PDE7B: variants seen among roughly 807,000 people sequenced by gnomAD.
PDE7B encodes phosphodiesterase 7B.
In PDE7B, 29 loss-of-function variants were observed where a neutral mutation model predicts 56.2. The ratio of observed to expected loss-of-function variants is 0.52; its 90% CI spans 0.38 to 0.70. PDE7B has a LOEUF of 0.70. PDE7B is among the 30% of genes least tolerant of loss of function. PDE7B has a pLI of 0.00. For synonymous variants in PDE7B, 197 were observed against 196.9 expected (o/e 1.00, Z 0.00); for missense variants, 490 against 565.0 (o/e 0.87, Z 1.35).
chr6:136,057,471 G>A (rs575272134), intron 2 of PDE7B, among the ~76,000 whole-genome samples: 2 of 152,282 alleles, frequency 1.3e-5, no homozygotes, highest in East Asian at 1.9e-4. Context: ...TTACCAAAAT[G>A]TTCTGAATGG....
At position 136,103,007 on chromosome 6, in the gene PDE7B, A is replaced by T. The variant is rs73561320; in HGVS notation, c.83-5724A>T. On this transcript the variant is annotated intron_variant, in intron 2 of 12. Coordinates refer to ENST00000308191, the MANE Select transcript of PDE7B (RefSeq NM_018945.4). Reference sequence around the variant, plus strand: ...AAGAAGAGAAGAAAGAACTTTTTTCACATGCAAAGAAAATTGTGTTTCATT... The same window carrying T: ...AAGAAGAGAAGAAAGAACTTTTTTCTCATGCAAAGAAAATTGTGTTTCATT... Among the ~76,000 whole-genome samples the T allele has an allele frequency of 7.6e-3, 1,154 of 152,286 alleles. 13 individuals carry two copies. The highest frequency in any genetic ancestry group is 0.026 in the African/African-American group (1,068 of 41,556).
chr6:135,891,257 C>G (rs1775805491), intron 1 of PDE7B, among the ~76,000 whole-genome samples: 1 of 152,050 alleles, frequency 6.6e-6, no homozygotes, highest in Admixed American at 6.6e-5. Flanking sequence ...AAGATGAGAA[C>G]CCAAAGAGTA....
chr6:136,152,171 G>A (rs1448766439), intron 6 of PDE7B, among the ~76,000 whole-genome samples: 1 of 152,052 alleles, frequency 6.6e-6, no homozygotes, highest in Non-Finnish European at 1.5e-5. Context: ...CAAGGGTCAA[G>A]TGTAGTTATG....
chr6:135,933,287 C>A (rs904639094), intron 1 of PDE7B, among the ~76,000 whole-genome samples: 6 of 152,242 alleles, frequency 3.9e-5, no homozygotes, highest in Non-Finnish European at 8.8e-5. Context: ...TGTACACACA[C>A]ATACCTGCAC....
chr6:136,016,571 G>C (rs1251932491), intron 2 of PDE7B, among the ~76,000 whole-genome samples: 1 of 152,132 alleles, frequency 6.6e-6, no homozygotes, highest in African/African-American at 2.4e-5. Context: ...ACTAAGTCTT[G>C]GGAGGCAAAG....
intron 1 of PDE7B, among the ~76,000 whole-genome samples, chr6:135,887,345 G>A (rs1355941412): frequency 6.6e-6 from 1 of 152,112 alleles, no homozygotes; most frequent in African/African-American, 2.4e-5. Flanking sequence ...AGAGGCTGGA[G>A]ATATAACAAT....
chr6:136,173,437 A>G (rs1045795643), intron 8 of PDE7B, among the ~76,000 whole-genome samples: 1 of 152,210 alleles, frequency 6.6e-6, no homozygotes, highest in African/African-American at 2.4e-5. Flanking sequence ...TGCTGGGAAA[A>G]CTGGCTAGCC....
At chr6:135,976,190 A>G (rs1461676620) in intron 2 of PDE7B, among the ~76,000 whole-genome samples, 1 of 152,148 alleles carries the variant, frequency 6.6e-6, no homozygotes, top group East Asian at 1.9e-4. Flanking sequence ...AATCCCTTAG[A>G]AAAATTCTTA....
intron 2 of PDE7B, among the ~76,000 whole-genome samples, chr6:136,041,741 TA>T (rs1345004835): frequency 2.1e-4 from 32 of 152,372 alleles, no homozygotes; most frequent in Admixed American, 2.0e-3. Context: ...TTAATTGTGT[TA>T]ATACTCACAT....
In PDE7B at chr6:135,925,762, C is replaced by T. The variant is rs532508081; in HGVS notation, c.22-21702C>T. Among the ~76,000 whole-genome samples the T allele has an allele frequency of 9.9e-4, 151 of 152,288 alleles. No homozygotes were observed. The Middle Eastern group carries it at 0.024, about 24-fold the overall frequency. The stretch of plus-strand genomic sequence containing the variant: ...CTTAACAGCTTATGCTCTCCTATGC[C>T]ACCCAAATAGCTTTTCAAAAATAGT... On this transcript the variant is annotated intron_variant, in intron 1 of 12. Coordinates refer to ENST00000308191, the MANE Select transcript of PDE7B (RefSeq NM_018945.4).
At chr6:135,964,694 A>G (rs1774962382) in intron 2 of PDE7B, among the ~76,000 whole-genome samples, 1 of 152,162 alleles carries the variant, frequency 6.6e-6, no homozygotes, top group Non-Finnish European at 1.5e-5. Context: ...AAAGTAGATA[A>G]TGAGTTCCAA....
rs1350295476 is a variant in PDE7B, at chr6:135,851,864, T to C, written c.-135T>C. ...ATTTCTTTTCCTTTTTTTTCTTTTT[T>C]TTTTTTTGTTACTTAATTATATTCC... On this transcript the variant is annotated 5_prime_UTR_variant, in exon 1 of 13. Coordinates refer to ENST00000308191, the MANE Select transcript of PDE7B (RefSeq NM_018945.4). 8.3e-6 allele frequency: 5 copies of C among 604,366 alleles called. No homozygotes were observed. The highest frequency in any genetic ancestry group is 2.7e-5 in the Admixed American group (1 of 37,542). The allele number at this position is 604,366 out of a possible 1,614,324, so 37.4% of individuals were successfully genotyped here.
chr6:136,001,034 C>A (rs1775659849), intron 2 of PDE7B, among the ~76,000 whole-genome samples: 1 of 152,228 alleles, frequency 6.6e-6, no homozygotes, highest in Non-Finnish European at 1.5e-5. Flanking sequence ...GCAGCATTTG[C>A]AGTTCATGAA....
At chr6:136,138,650 T>C (rs1778257314) in intron 3 of PDE7B, among the ~76,000 whole-genome samples, 1 of 152,162 alleles carries the variant, frequency 6.6e-6, no homozygotes, top group African/African-American at 2.4e-5. Flanking sequence ...GTAGCATTGG[T>C]TCTGAATCAT....
chr6:136,191,565 A>T, intron 12 of PDE7B, 49 bp from the exon 13 acceptor site: 1 of 1,473,036 alleles, frequency 6.8e-7, no homozygotes, highest in Non-Finnish European at 9.5e-7. Flanking sequence ...GGGAGTAAGG[A>T]GCGGGTTTCA....
chr6:136,142,169 G>T (rs1296938871), intron 3 of PDE7B, among the ~76,000 whole-genome samples: 3 of 152,082 alleles, frequency 2.0e-5, no homozygotes, highest in Non-Finnish European at 4.4e-5. Flanking sequence ...TGTTCTCACT[G>T]GTTTCAAAGA....
chr6:136,174,827 AACTAAAT>A (rs1488685648), intron 9 of PDE7B, among the ~76,000 whole-genome samples: 2 of 152,176 alleles, frequency 1.3e-5, no homozygotes, highest in African/African-American at 4.8e-5. Flanking sequence ...TACTCCCTGG[AACTAAAT>A]AAAACCAGTT....
chr6:136,054,530 C>A (rs887721257), intron 2 of PDE7B, among the ~76,000 whole-genome samples: 20 of 152,156 alleles, frequency 1.3e-4, no homozygotes, highest in South Asian at 2.1e-4. Context: ...ATTGACTTGG[C>A]AATGCGAGCC....
intron 2 of PDE7B, chr6:136,012,675 A>G (rs1179317241): frequency 6.6e-6 from 1 of 152,240 alleles, no homozygotes; most frequent in East Asian, 1.9e-4. Flanking sequence ...TCAGGAGAAC[A>G]GGAGAGCAGC....
Sources: allele counts gnomAD v4.1 joint callset (sites outside exome capture counted in the v4.1 genomes callset), GRCh38; gene constraint gnomAD v4.1.1; transcripts MANE v1.5; gene names NCBI Gene and HGNC (gene_info 2026-07-23, HGNC 2026-07-21).